Variants in FANCD2OS observed in about 807,000 individuals in gnomAD.
The protein encoded by FANCD2OS is FANCD2 opposite strand protein.
FANCD2OS carries 11 observed loss-of-function variants against 13.2 expected under a neutral mutation model. That is an observed-to-expected ratio of 0.83 (90% CI 0.52 to 1.38). The LOEUF (loss-of-function observed/expected upper bound fraction) is 1.38, where lower values mean the gene tolerates loss of function less well. Ranked by LOEUF, FANCD2OS falls within the 40% of genes most tolerant of loss-of-function variation. The probability of loss-of-function intolerance (pLI) is 0.00; values close to 1 mark genes in which losing one functional copy is unlikely to be tolerated. For missense variants in FANCD2OS, 217 were observed against 213.9 expected, an observed-to-expected ratio of 1.01 and a Z score of -0.09; for synonymous variants, 69 against 84.5, an observed-to-expected ratio of 0.82 and a Z score of 1.01.
chr3:10,082,000 C>G (rs1212005901), intron 2 of FANCD2OS, among the ~76,000 whole-genome samples: 1 of 152,188 alleles, frequency 6.6e-6, no homozygotes, highest in Non-Finnish European at 1.5e-5. Flanking sequence ...CTGGTCAATC[C>G]TACCCAAGCT....
At chr3:10,081,438 G>T in exon 3 of FANCD2OS, 1 of 1,613,796 alleles carries the variant, frequency 6.2e-7, no homozygotes, top group Non-Finnish European at 8.5e-7. Context: ...AGAGGCTGCT[G>T]CAGATTTTTC....
At chr3:10,090,432 G>T (rs1464046607) in intron 2 of FANCD2OS, 2 of 857,168 alleles carry the variant, frequency 2.3e-6, no homozygotes, top group South Asian at 1.5e-5. Context: ...TGGATTACTT[G>T]GAAGTTGCTG....
chr3:10,088,385 C>A, intron 2 of FANCD2OS: 1 of 995,102 alleles, frequency 1.0e-6, no homozygotes, highest in African/African-American at 1.6e-5. Flanking sequence ...TCCTCAAAAA[C>A]CTGAAAAGCA....
chr3:10,107,674 G>A (rs1345461794), intron 1 of FANCD2OS, among the ~76,000 whole-genome samples: 2 of 151,940 alleles, frequency 1.3e-5, no homozygotes, highest in Non-Finnish European at 2.9e-5. Flanking sequence ...AGGTCGCGGC[G>A]CGGTGGCTCA....
In FANCD2OS at chr3:10,093,350, A is replaced by C. The variant is rs56402413; in HGVS notation, c.*43+10848T>G. The C allele has an allele frequency of 6.7e-5, 106 of 1,582,230 alleles. 1 individual carries two copies. The East Asian group carries it at 2.3e-3, about 35-fold the overall frequency. Reference sequence around the variant, plus strand: ...TGAGAGATTTACTGGGCCCTGTTTCATATTTATTCTTCCTGTGGATCACTC... The same window carrying C: ...TGAGAGATTTACTGGGCCCTGTTTCCTATTTATTCTTCCTGTGGATCACTC... On this transcript the variant is annotated intron_variant, in intron 2 of 2. Transcript: ENST00000524279.
downstream of FANCD2OS, chr3:10,098,988 AAAC>A (rs1317214677): frequency 3.8e-5 from 61 of 1,613,900 alleles, no homozygotes; most frequent in Non-Finnish European, 5.1e-5. Flanking sequence ...GACCCAGAAG[AAAC>A]AACGACACAA....
At chr3:10,090,253 C>A in intron 2 of FANCD2OS, 2 of 1,437,122 alleles carry the variant, frequency 1.4e-6, no homozygotes, top group Non-Finnish European at 2.0e-6. Context: ...CTAAGCAGTG[C>A]ATCATGGTGT....
At chr3:10,107,848 C>T (rs759325242) in intron 1 of FANCD2OS, among the ~76,000 whole-genome samples, 167 bp downstream of exon 1, 3 of 152,130 alleles carry the variant, frequency 2.0e-5, no homozygotes, top group African/African-American at 4.8e-5. Flanking sequence ...CCATCCCCAC[C>T]GCCCAGAAGT....
At chr3:10,099,157 G>C (rs1575879030), downstream of FANCD2OS, 1 of 1,446,196 alleles carries the variant, frequency 6.9e-7, no homozygotes, top group Non-Finnish European at 9.0e-7. Context: ...AGAAGAATGA[G>C]TTAAACCATT....
At chr3:10,084,702 C>A (rs1169118736) in intron 2 of FANCD2OS, among the ~76,000 whole-genome samples, 2 of 152,156 alleles carry the variant, frequency 1.3e-5, no homozygotes, top group Admixed American at 6.5e-5. Flanking sequence ...CCTCAGAATA[C>A]ATTTGTTGAA....
chr3:10,097,246 A>G (rs1471358659), intron 2 of FANCD2OS, among the ~76,000 whole-genome samples: 1 of 152,238 alleles, frequency 6.6e-6, no homozygotes, highest in Non-Finnish European at 1.5e-5. Context: ...TGTCATTGAT[A>G]ACATCTTATC....
chr3:10,092,186 T>C, intron 2 of FANCD2OS: 2 of 1,613,726 alleles, frequency 1.2e-6, no homozygotes, highest in South Asian at 2.2e-5. Context: ...CCCAGATTCA[T>C]GAAGAGAAAC....
rs555539811 is a variant in FANCD2OS, at chr3:10,095,209, C to T, written c.*43+8989G>A. ...AACTTATTGGTTATAGGAAGATGTT[C>T]TGAGCTTACTGGAAACCTTCCAGTT... On this transcript the variant is annotated intron_variant, in intron 2 of 2. Coordinates refer to the FANCD2OS transcript ENST00000524279. 6.2e-7 allele frequency: 1 copy of T among 1,613,642 alleles called. No individual in the cohort carries two copies. The highest frequency in any genetic ancestry group is 1.3e-5 in the African/African-American group (1 of 74,944).
intron 2 of FANCD2OS, chr3:10,087,131 C>T (rs778207357): frequency 6.2e-7 from 1 of 1,614,072 alleles, no homozygotes; most frequent in South Asian, 1.1e-5. Context: ...TGTCTCCTTA[C>T]AGCCAGAGCG....
intron 2 of FANCD2OS, chr3:10,087,130 A>G (rs1401428265): frequency 6.2e-7 from 1 of 1,613,936 alleles, no homozygotes; most frequent in African/African-American, 1.3e-5. Context: ...TTGTCTCCTT[A>G]CAGCCAGAGC....
At chr3:10,105,770 A>ATC (rs61561970) in intron 1 of FANCD2OS, among the ~76,000 whole-genome samples, 1 of 30,362 alleles carries the variant, frequency 3.3e-5, no homozygotes, top group African/African-American at 4.4e-4. Context: ...AAAAAAAAAA[A>ATC]ATTATATATA....
Position 10,092,162 on chromosome 3 carries a change from A to C in FANCD2OS, c.*44-10631T>G, listed in dbSNP as rs754592456. On this transcript the variant is annotated intron_variant, in intron 2 of 2. Coordinates refer to the FANCD2OS transcript ENST00000524279. ...ATTTGGCTGTGACTCAGAGGTGCCC[A>C]TATATTTGGCTGCCCCAGATTCATG... 3.8e-6 allele frequency: 6 copies of C among 1,597,102 alleles called. No individual in the cohort carries two copies. In the African/African-American group the frequency reaches 6.7e-5, roughly 18 times the overall value.
chr3:10,084,302 T>TC (rs1350550456), intron 2 of FANCD2OS, among the ~76,000 whole-genome samples: 5 of 147,764 alleles, frequency 3.4e-5, no homozygotes, highest in African/African-American at 1.3e-4. Flanking sequence ...TTTTTTTTTT[T>TC]CTTCCCTGAG....
intron 2 of FANCD2OS, chr3:10,095,453 G>T: frequency 1.6e-6 from 1 of 621,676 alleles, no homozygotes; most frequent in Non-Finnish European, 2.9e-6. Context: ...CCTCTAGAGG[G>T]GAATCTCCGC....
Sources: allele counts gnomAD v4.1 joint callset (sites outside exome capture counted in the v4.1 genomes callset), GRCh38; gene constraint gnomAD v4.1.1; transcripts MANE v1.5; gene names NCBI Gene and HGNC (gene_info 2026-07-23, HGNC 2026-07-21).